Variants in WWOX observed in about 807,000 individuals in gnomAD.
The protein encoded by WWOX is WW domain containing oxidoreductase.
WWOX carries 69 observed loss-of-function variants against 46.2 expected under a neutral mutation model. The ratio of observed to expected loss-of-function variants is 1.49; its 90% CI spans 1.23 to 1.82. The LOEUF is 1.82. Among genes scored for constraint, WWOX ranks in the 40% most tolerant of loss-of-function variants. The pLI is 0.00. For missense variants in WWOX, 919 were observed against 542.6 expected (o/e 1.69, Z -6.89); for synonymous variants, 359 against 202.6 (o/e 1.77, Z -6.56).
At chr16:78,834,727 A>G (rs1223742920) in intron 8 of WWOX, among the ~76,000 whole-genome samples, 1 of 152,184 alleles carries the variant, frequency 6.6e-6, no homozygotes, top group Admixed American at 6.5e-5. Context: ...TACAGGTACA[A>G]AGGGGATACA....
At chr16:79,173,918 T>A (rs906072182) in intron 8 of WWOX, among the ~76,000 whole-genome samples, 1 of 152,166 alleles carries the variant, frequency 6.6e-6, no homozygotes, top group Non-Finnish European at 1.5e-5. Context: ...TTTTTCACTT[T>A]TCAAAGTGTT....
At chr16:79,010,823 G>A (rs1309208839) in intron 8 of WWOX, among the ~76,000 whole-genome samples, 1 of 151,306 alleles carries the variant, frequency 6.6e-6, no homozygotes, top group Non-Finnish European at 1.5e-5. Flanking sequence ...GGCGGGGGTG[G>A]GGGTTCAGTG....
At chr16:78,279,630 AGCT>A (rs1276568139) in intron 5 of WWOX, among the ~76,000 whole-genome samples, 4 of 152,190 alleles carry the variant, frequency 2.6e-5, no homozygotes, top group African/African-American at 9.6e-5. Flanking sequence ...ATTTATCCAG[AGCT>A]GTCTCACCCA....
intron 8 of WWOX, among the ~76,000 whole-genome samples, chr16:78,472,182 C>G (rs563986722): frequency 6.6e-6 from 1 of 151,842 alleles, no homozygotes; most frequent in African/African-American, 2.4e-5. Context: ...AATTAAAACC[C>G]CAACCACCTA....
chr16:78,520,963 G>T (rs968419525), intron 8 of WWOX, among the ~76,000 whole-genome samples: 1 of 152,096 alleles, frequency 6.6e-6, no homozygotes, highest in Non-Finnish European at 1.5e-5. Context: ...CAGGGGTGCT[G>T]GTCACCAGGG....
chr16:78,976,541 C>A (rs370163400), intron 8 of WWOX, among the ~76,000 whole-genome samples: 6 of 152,296 alleles, frequency 3.9e-5, no homozygotes, highest in Admixed American at 1.3e-4. Context: ...ATGCACTTTG[C>A]CATCATAGCT....
rs1024309098 is a variant in WWOX, at chr16:78,958,155, G to A, written c.1057-253453G>A. Among the ~76,000 whole-genome samples the A allele has an allele frequency of 2.6e-5, 4 of 152,128 alleles. No homozygotes were observed. The South Asian group carries it at 8.3e-4, about 32-fold the overall frequency. On this transcript the variant is annotated intron_variant, in intron 8 of 8. Coordinates refer to ENST00000566780, the MANE Select transcript of WWOX (RefSeq NM_016373.4). ...TTAACTTGCTCATCATTCACACGGC[G>A]AAGGAAATTCCATTTGGTCCTTTTA...
rs548798822 is a variant in WWOX at position 78,745,932 on chromosome 16, C to T, written c.1056+313180C>T. ...AAACCTGCCAAGGAAAACACTCCCG[C>T]TGCTCCTTCCAGCCCTGACTCCAGC... is the stretch of plus-strand genomic sequence containing the variant. On this transcript the variant is annotated intron_variant, in intron 8 of 8. Transcript: ENST00000566780. Among the ~76,000 whole-genome samples the T allele has an allele frequency of 3.3e-5, 5 of 152,214 alleles. No homozygotes were observed. In the South Asian group the frequency reaches 8.3e-4, roughly 25 times the overall value.
chr16:79,104,042 G>T (rs868637040), intron 8 of WWOX, among the ~76,000 whole-genome samples: 8 of 122,914 alleles, frequency 6.5e-5, no homozygotes, highest in African/African-American at 1.5e-4. Flanking sequence ...TTTTTTGGGG[G>T]GGGGGGGGCG....
At chr16:78,775,989 A>G (rs1308832954) in intron 8 of WWOX, among the ~76,000 whole-genome samples, 1 of 152,170 alleles carries the variant, frequency 6.6e-6, no homozygotes, top group Non-Finnish European at 1.5e-5. Context: ...TAGGTTTCTC[A>G]TTTATTTATT....
At chr16:78,746,440 G>A (rs953348015) in intron 8 of WWOX, among the ~76,000 whole-genome samples, 4 of 152,138 alleles carry the variant, frequency 2.6e-5, no homozygotes, top group Non-Finnish European at 5.9e-5. Flanking sequence ...TAAGGCTGCA[G>A]TGAGCCATGA....
intron 8 of WWOX, among the ~76,000 whole-genome samples, chr16:78,541,991 C>G (rs567647355): frequency 2.7e-4 from 30 of 111,398 alleles, no homozygotes; most frequent in Non-Finnish European, 4.9e-4. Flanking sequence ...AGTCAGTTAC[C>G]AGAGGGTTTC....
intron 8 of WWOX, among the ~76,000 whole-genome samples, chr16:78,723,861 T>C (rs1281318275): frequency 6.6e-6 from 1 of 152,128 alleles, no homozygotes; most frequent in Non-Finnish European, 1.5e-5. Flanking sequence ...ATTTCACATT[T>C]AATCTGTAAA....
At chr16:79,166,447 C>T (rs2150759903) in intron 8 of WWOX, among the ~76,000 whole-genome samples, 1 of 152,188 alleles carries the variant, frequency 6.6e-6, no homozygotes, top group East Asian at 1.9e-4. Context: ...TCCTTTGTCA[C>T]AGAGCCACTG....
At chr16:78,756,139 G>A (rs57140921) in intron 8 of WWOX, among the ~76,000 whole-genome samples, 4,806 of 152,178 alleles carry the variant, frequency 0.032, 237 homozygotes, top group African/African-American at 0.11. Flanking sequence ...AAACACGAAC[G>A]GGGATCCTAG....
intron 8 of WWOX, among the ~76,000 whole-genome samples, chr16:79,020,953 C>G (rs1196081833): frequency 6.6e-6 from 1 of 152,022 alleles, no homozygotes; most frequent in Non-Finnish European, 1.5e-5. Flanking sequence ...TAAGGGGATT[C>G]TTGACATCAA....
At chr16:78,971,427 T>G (rs2046466383) in intron 8 of WWOX, among the ~76,000 whole-genome samples, 4 of 70,498 alleles carry the variant, frequency 5.7e-5, no homozygotes, top group African/African-American at 6.9e-5. Context: ...TGCTCTCCAG[T>G]CTGGGTGACA....
intron 8 of WWOX, among the ~76,000 whole-genome samples, chr16:78,464,304 GAA>G (rs1249664434): frequency 9.9e-5 from 15 of 151,768 alleles, no homozygotes; most frequent in African/African-American, 3.6e-4. Flanking sequence ...AAGGGAGAAG[GAA>G]AGAGAGGAAA....
At chr16:78,411,414 C>T (rs2082677811) in intron 6 of WWOX, among the ~76,000 whole-genome samples, 1 of 151,994 alleles carries the variant, frequency 6.6e-6, no homozygotes, top group African/African-American at 2.4e-5. Flanking sequence ...TGAGCAAAAC[C>T]TTGAAGAACA....
Sources: gnomAD v4.1 joint callset for allele counts (sites outside exome capture counted in the v4.1 genomes callset) on GRCh38, gnomAD v4.1.1 for gene constraint, MANE v1.5 for transcripts, NCBI Gene and HGNC (gene_info 2026-07-23, HGNC 2026-07-21) for gene names.